USP28: variants seen among roughly 807,000 people sequenced by gnomAD.
The protein encoded by USP28 is ubiquitin carboxyl-terminal hydrolase 28.
USP28 carries 113 observed loss-of-function variants against 145.0 expected under a neutral mutation model. The ratio of observed to expected loss-of-function variants is 0.78; its 90% CI spans 0.67 to 0.91. The LOEUF (loss-of-function observed/expected upper bound fraction) is 0.91, where lower values mean the gene tolerates loss of function less well. USP28 is among the 40% of genes least tolerant of loss of function. The probability of loss-of-function intolerance (pLI) is 0.00; values close to 1 mark genes in which losing one functional copy is unlikely to be tolerated. For synonymous variants in USP28, 447 were observed against 450.9 expected (o/e 0.99, Z 0.11); for missense variants, 1,201 against 1,289.6 (o/e 0.93, Z 1.05).
intron 13 of USP28, among the ~76,000 whole-genome samples, chr11:113,817,029 AC>A (rs1252669541): frequency 6.6e-6 from 1 of 152,140 alleles, no homozygotes; most frequent in Non-Finnish European, 1.5e-5. Context: ...AAAAAGTCTA[AC>A]TTTTTATTGA....
intron 1 of USP28, among the ~76,000 whole-genome samples, chr11:113,868,184 A>AG (rs1948480122): frequency 6.6e-6 from 1 of 152,234 alleles, no homozygotes; most frequent in Non-Finnish European, 1.5e-5. Flanking sequence ...TGACTATCAA[A>AG]GGAAGTACTG....
At chr11:113,805,130 C>A (rs45477300) in intron 19 of USP28, 84 bp from the exon 21 acceptor site, 17 of 1,234,990 alleles carry the variant, frequency 1.4e-5, no homozygotes, top group African/African-American at 4.6e-5. Context: ...GCTAGGCAGT[C>A]TCTTGACTCT....
chr11:113,839,620 G>A (rs1301195498), intron 5 of USP28, among the ~76,000 whole-genome samples: 6 of 152,082 alleles, frequency 3.9e-5, no homozygotes, highest in Non-Finnish European at 4.4e-5. Context: ...CAGGTGCAGC[G>A]GCTCACACCT....
At chr11:113,860,199 G>A (rs7129410) in intron 1 of USP28, among the ~76,000 whole-genome samples, 2,655 of 152,244 alleles carry the variant, frequency 0.017, 92 homozygotes, top group African/African-American at 0.061. Context: ...GCATTGTGAT[G>A]AGAAGCTTTA....
At chr11:113,803,217 C>G in exon 23 of USP28, 1 of 1,614,108 alleles carries the variant, frequency 6.2e-7, no homozygotes, top group Non-Finnish European at 8.5e-7. Flanking sequence ...CGGCGGGGCC[C>G]CTTCATCAGC....
At chr11:113,807,951 C>G (rs1940294632) in intron 18 of USP28, 1 of 1,109,816 alleles carries the variant, frequency 9.0e-7, no homozygotes, top group Non-Finnish European at 1.1e-6. Flanking sequence ...ATCTCTGTAC[C>G]TCCTCATCAT....
Position 113,854,122 on chromosome 11 carries a change from G to T in USP28, c.135+136C>A, listed in dbSNP as rs185457418. The T allele has an allele frequency of 2.4e-4, 172 of 731,708 alleles. No individual in the cohort carries two copies. The African/African-American group carries it at 2.9e-3, about 12-fold the overall frequency. The allele number at this position is 731,708 out of a possible 1,614,324, so 45.3% of individuals were successfully genotyped here. Reference sequence around the variant, plus strand: ...TATAATTTACATGTTGAAGACATTGGGTCAGTCATTTGACCTGTAGAGCTT... The same window carrying T: ...TATAATTTACATGTTGAAGACATTGTGTCAGTCATTTGACCTGTAGAGCTT... On this transcript the variant is annotated intron_variant, in intron 2 of 24. Coordinates refer to ENST00000003302, the Ensembl canonical transcript of USP28.
chr11:113,826,539 T>TAA (rs1943356760), intron 11 of USP28, among the ~76,000 whole-genome samples: 1 of 151,412 alleles, frequency 6.6e-6, no homozygotes, highest in Non-Finnish European at 1.5e-5. Context: ...ACTCCTGCGC[T>TAA]CAAGATATCT....
At chr11:113,804,580 T>C (rs573524528) in intron 21 of USP28, 93 bp downstream of exon 22, 9 of 1,155,918 alleles carry the variant, frequency 7.8e-6, no homozygotes, top group Middle Eastern at 2.4e-4. Flanking sequence ...ACAAGTCAGT[T>C]TGTAATAGCA....
chr11:113,808,190 G>T (rs1940349461), intron 18 of USP28, 54 bp from the exon 19 acceptor site: 2 of 1,535,900 alleles, frequency 1.3e-6, no homozygotes, highest in Non-Finnish European at 1.7e-6. Context: ...AAATAAATAG[G>T]GGTTGGTTAA....
intron 1 of USP28, among the ~76,000 whole-genome samples, chr11:113,857,807 A>G (rs1208506864): frequency 2.0e-5 from 3 of 152,208 alleles, no homozygotes; most frequent in Non-Finnish European, 1.5e-5. Flanking sequence ...AATAGGTAGC[A>G]GTGGACATCA....
intron 10 of USP28, chr11:113,828,983 C>T: frequency 2.8e-6 from 2 of 704,414 alleles, no homozygotes; most frequent in Non-Finnish European, 5.0e-6. Context: ...ACAACCTTTA[C>T]ACGAGTAACT....
chr11:113,813,995 T>A, intron 14 of USP28, 40 bp from the exon 15 acceptor site: 1 of 1,469,410 alleles, frequency 6.8e-7, no homozygotes, highest in African/African-American at 1.4e-5. Context: ...ACTAAAATGA[T>A]CTCATTCTAT....
chr11:113,799,360 T>C (rs981597429), exon 25 of USP28: 2 of 1,614,114 alleles, frequency 1.2e-6, no homozygotes, highest in Admixed American at 1.7e-5. Context: ...CGATGATTTC[T>C]GCAGAAGGAT....
chr11:113,839,706 T>C lies in USP28; in HGVS notation c.534+892A>G, dbSNP rs973804732. ...GAGTTCGAGACCAACCTGGCCAACA[T>C]GGCGAAACCCTGTCTCTACTAAAAA... On this transcript the variant is annotated intron_variant, in intron 5 of 24. Coordinates refer to ENST00000003302, the Ensembl canonical transcript of USP28. Among the ~76,000 whole-genome samples the C allele has an allele frequency of 9.9e-5, 15 of 152,036 alleles. No individual in the cohort carries two copies. The East Asian group carries it at 2.7e-3, about 28-fold the overall frequency.
intron 8 of USP28, among the ~76,000 whole-genome samples, chr11:113,831,493 G>T (rs1358975081): frequency 6.6e-6 from 1 of 152,070 alleles, no homozygotes; most frequent in Non-Finnish European, 1.5e-5. Flanking sequence ...TATCCGTATC[G>T]TGCCCTAAGT....
chr11:113,815,193 C>T (rs1044065361), exon 14 of USP28: 1 of 1,613,986 alleles, frequency 6.2e-7, no homozygotes, highest in African/African-American at 1.3e-5. Context: ...CTTGTTCAAT[C>T]TCACTCCTCC....
chr11:113,827,493 G>A, intron 10 of USP28, 133 bp from the exon 11 acceptor site: 1 of 868,736 alleles, frequency 1.2e-6, no homozygotes, highest in Non-Finnish European at 1.6e-6. Context: ...ACTCATACTA[G>A]AACTTTTTTT....
intron 5 of USP28, among the ~76,000 whole-genome samples, chr11:113,834,985 G>A (rs1397304487): frequency 6.6e-6 from 1 of 152,110 alleles, no homozygotes; most frequent in Non-Finnish European, 1.5e-5. Flanking sequence ...ACATCCATGT[G>A]TGGTTATGAC....
Sources: allele counts gnomAD v4.1 joint callset (sites outside exome capture counted in the v4.1 genomes callset), GRCh38; gene constraint gnomAD v4.1.1; transcripts MANE v1.5; gene names NCBI Gene and HGNC (gene_info 2026-07-23, HGNC 2026-07-21).